INTU: variants seen among roughly 807,000 people sequenced by gnomAD.
The protein encoded by INTU is protein inturned.
In INTU, 68 loss-of-function variants were observed where a neutral mutation model predicts 100.5. The ratio of observed to expected loss-of-function variants is 0.68; its 90% CI spans 0.56 to 0.83. The LOEUF is 0.83. Among genes scored for constraint, INTU ranks in the 40% least tolerant of loss-of-function variants. The pLI is 0.00. For synonymous variants in INTU, 357 were observed against 395.7 expected, an observed-to-expected ratio of 0.90 and a Z score of 1.16; for missense variants, 1,071 against 1,114.7, an observed-to-expected ratio of 0.96 and a Z score of 0.56.
chr4:127,639,310 A>G lies in INTU; in HGVS notation c.147-4211A>G, dbSNP rs574333097. On this transcript the variant is annotated intron_variant, in intron 1 of 15. Coordinates refer to ENST00000335251, the MANE Select transcript of INTU (RefSeq NM_015693.4). ...CCTTGATCACTTGGTTATGTAAGGT[A>G]GTGTCTGCCAGGTCTCTTCCCTGGA... Among the ~76,000 whole-genome samples the G allele has an allele frequency of 5.6e-4, 85 of 152,214 alleles. 2 individuals carry two copies. The Middle Eastern group carries it at 0.017, about 30-fold the overall frequency.
chr4:127,635,817 T>A (rs1727043621), intron 1 of INTU, among the ~76,000 whole-genome samples: 1 of 152,234 alleles, frequency 6.6e-6, no homozygotes, highest in African/African-American at 2.4e-5. Flanking sequence ...ATGCCTCTCC[T>A]GATAACCATT....
At chr4:127,686,682 T>C (rs1729842181) in intron 7 of INTU, 1 of 152,224 alleles carries the variant, frequency 6.6e-6, no homozygotes. Context: ...ATTCATATTG[T>C]GCTATTTTCT....
chr4:127,650,580 A>C (rs1293506429), intron 2 of INTU, among the ~76,000 whole-genome samples: 1 of 151,976 alleles, frequency 6.6e-6, no homozygotes, highest in East Asian at 1.9e-4. Context: ...ATAGTATTCC[A>C]TGGTGTATAT....
chr4:127,679,072 G>A (rs1432607880), intron 6 of INTU, among the ~76,000 whole-genome samples: 42 of 151,608 alleles, frequency 2.8e-4, no homozygotes, highest in South Asian at 2.1e-3. Context: ...ATATATATGC[G>A]CCCAATACAG....
chr4:127,655,155 G>A (rs931223974), intron 2 of INTU, among the ~76,000 whole-genome samples: 3 of 151,812 alleles, frequency 2.0e-5, no homozygotes, highest in African/African-American at 7.3e-5. Flanking sequence ...CAACTTCTTT[G>A]CCTTTGGTTT....
At chr4:127,683,972 G>C (rs926510479) in intron 6 of INTU, 3 of 152,588 alleles carry the variant, frequency 2.0e-5, no homozygotes, top group African/African-American at 7.3e-5. Flanking sequence ...GTGTGTTTTT[G>C]TCACAGGACT....
At chr4:127,657,989 C>T (rs1347687493) in intron 3 of INTU, among the ~76,000 whole-genome samples, 1 of 152,068 alleles carries the variant, frequency 6.6e-6, no homozygotes, top group African/African-American at 2.4e-5. Flanking sequence ...ACTGGTGGGA[C>T]AGAGGACCCA....
chr4:127,638,627 T>TTTA (rs1727176200), intron 1 of INTU, among the ~76,000 whole-genome samples: 2 of 152,198 alleles, frequency 1.3e-5, no homozygotes, highest in Non-Finnish European at 2.9e-5. Flanking sequence ...CTTTAATATA[T>TTTA]TTATGTTACA....
rs1727442927 is a variant in INTU at position 127,643,813 on chromosome 4, A to G, written c.439A>G (p.Asn147Asp). The stretch of plus-strand genomic sequence containing the variant: ...AGTATCCATTCTAAAGCATCAGTCC[A>G]ATCAGAAGACAGGAGTCATTGTCCA... ...GPVSILKHQS[N>D]QKTGVIVQQR... The change falls in exon 2 of 16, where the codon AAT becomes GAT. Residue 147 changes from asparagine (N) to aspartate (D), a missense_variant. Coordinates refer to ENST00000335251, the MANE Select transcript of INTU (RefSeq NM_015693.4). The G allele has an allele frequency of 6.2e-7, 1 of 1,614,012 alleles. No individual in the cohort carries two copies. Among genetic ancestry groups the G allele is most frequent in the African/African-American group, 1.3e-5 (1 of 74,930 alleles).
chr4:127,671,871 G>T (rs190306358), intron 5 of INTU, among the ~76,000 whole-genome samples: 1 of 152,188 alleles, frequency 6.6e-6, no homozygotes, highest in Non-Finnish European at 1.5e-5. Context: ...GATAGAACTG[G>T]AGGCCATTAT....
At chr4:127,676,858 T>A (rs1024231048) in intron 6 of INTU, among the ~76,000 whole-genome samples, 11 of 151,896 alleles carry the variant, frequency 7.2e-5, no homozygotes, top group African/African-American at 2.7e-4. Flanking sequence ...AAGAAAGGGG[T>A]GACAGACAGC....
At position 127,710,984 on chromosome 4, in the gene INTU, C is replaced by G; in HGVS notation, c.2441C>G (p.Thr814Ser). 6.2e-7 allele frequency: 1 copy of G among 1,605,094 alleles called. No individual in the cohort carries two copies. Among genetic ancestry groups the G allele is most frequent in the Non-Finnish European group, 8.5e-7 (1 of 1,173,906 alleles). Reference protein sequence around the residue: ...ALETVQGIFITPTLEEVAQLS... With the variant: ...ALETVQGIFISPTLEEVAQLS... ...GAAACAGTGCAAGGAATCTTTATTA[C>G]TCCTACCCTTGAAGAGGTGGCACAG... Residue 814 changes from threonine to serine, a missense_variant, in exon 14 of 16, where the codon ACT (threonine) becomes AGT (serine). By Grantham distance (58) the Thr-to-Ser change is moderately conservative. Coordinates refer to ENST00000335251, the MANE Select transcript of INTU (RefSeq NM_015693.4).
chr4:127,676,539 T>A (rs1729193440), intron 6 of INTU, among the ~76,000 whole-genome samples: 1 of 149,402 alleles, frequency 6.7e-6, no homozygotes. Flanking sequence ...TTAGCTGTGA[T>A]GCTGCCACTG....
chr4:127,639,716 CAG>C (rs1181916723), intron 1 of INTU, among the ~76,000 whole-genome samples: 2 of 152,170 alleles, frequency 1.3e-5, no homozygotes, highest in African/African-American at 2.4e-5. Flanking sequence ...GTGATTAAAT[CAG>C]GGCATTTGGC....
At chr4:127,714,846 T>C (rs2148740010) in intron 15 of INTU, among the ~76,000 whole-genome samples, 1 of 152,170 alleles carries the variant, frequency 6.6e-6, no homozygotes, top group Middle Eastern at 3.4e-3. Context: ...TTGATAAACA[T>C]GTGATGGCTG....
At position 127,726,464 on chromosome 4, in the gene INTU, G is replaced by T. The variant is rs1731417562; in HGVS notation, c.*10028G>T. On this transcript the variant is annotated 3_prime_UTR_variant, in exon 16 of 16. Transcript: ENST00000335251. Reference sequence around the variant, plus strand: ...TTATTATCATTATTAAATATCCATTGGTTGAAAAACCAAGTAGTCAGCTAA... The same window carrying T: ...TTATTATCATTATTAAATATCCATTTGTTGAAAAACCAAGTAGTCAGCTAA... The T allele has an allele frequency of 6.6e-6, 1 of 152,014 alleles. No individual in the cohort carries two copies. The highest frequency in any genetic ancestry group is 6.6e-5 in the Admixed American group (1 of 15,262). The allele number at this position is 152,014 out of a possible 1,614,324, so 9.4% of individuals were successfully genotyped here. A position where few individuals can be genotyped will look rare whatever the true frequency, so the allele number is the denominator to read the frequency against.
intron 15 of INTU, 83 bp from the exon 16 acceptor site, chr4:127,716,241 CA>C: frequency 1.6e-6 from 1 of 627,752 alleles, no homozygotes; most frequent in Non-Finnish European, 2.7e-6. Context: ...CTTTCAGAAA[CA>C]AAAATTAAAT....
intron 1 of INTU, 105 bp from the exon 2 acceptor site, chr4:127,643,416 C>T: frequency 1.3e-6 from 1 of 747,464 alleles, no homozygotes; most frequent in Admixed American, 2.7e-5. Context: ...CACCCTTTCC[C>T]ATCTTCCTGC....
chr4:127,654,416 T>C (rs1234007238), intron 2 of INTU, among the ~76,000 whole-genome samples: 1 of 152,198 alleles, frequency 6.6e-6, no homozygotes, highest in East Asian at 1.9e-4. Context: ...AGGGCAGGCC[T>C]GGTGGTGACA....
Sources: allele counts gnomAD v4.1 joint callset (sites outside exome capture counted in the v4.1 genomes callset), GRCh38; gene constraint gnomAD v4.1.1; transcripts MANE v1.5; gene names NCBI Gene and HGNC (gene_info 2026-07-23, HGNC 2026-07-21).